Variants in PKHD1L1 observed in about 807,000 individuals in gnomAD.
PKHD1L1 encodes PKHD1 like 1.
In PKHD1L1, 434 loss-of-function variants were observed where a neutral mutation model predicts 462.9. The ratio of observed to expected loss-of-function variants is 0.94; its 90% CI spans 0.87 to 1.02. The LOEUF is 1.02. Ranked by LOEUF, PKHD1L1 falls within the 50% of genes least tolerant of loss-of-function variation. The pLI, the probability that PKHD1L1 is intolerant of heterozygous loss-of-function variation, is 0.00. For missense variants in PKHD1L1, 5,202 were observed against 5,096.1 expected (o/e 1.02, Z -0.63); for synonymous variants, 1,781 against 1,750.0 (o/e 1.02, Z -0.44).
At chr8:109,487,442 CCCTCCCTCCCTT>C (rs1240766101) in intron 59 of PKHD1L1, among the ~76,000 whole-genome samples, 10 of 142,044 alleles carry the variant, frequency 7.0e-5, no homozygotes, top group Non-Finnish European at 1.2e-4. Context: ...CTCCCTCCCT[CCCTCCCTCCCTT>C]CCTCCCTCCC....
In PKHD1L1 at chr8:109,406,434, A is replaced by C. The variant is rs1430277848; in HGVS notation, c.1769A>C (p.Asn590Thr). The C allele has an allele frequency of 1.2e-6, 2 of 1,600,698 alleles. No individual in the cohort carries two copies. Among genetic ancestry groups the C allele is most frequent in the Admixed American group, 1.7e-5 (1 of 58,254 alleles). ...PDTVQVIRTQNPQSYVYMVTF... is the reference protein window; with the variant it reads ...PDTVQVIRTQTPQSYVYMVTF... ...ACAGTTCAAGTAATAAGAACACAAA[A>C]TCCCCAGAGCTATGTCTACATGGTA... Residue 590 changes from asparagine (N) to threonine (T), a missense_variant, in exon 17 of 78, where the codon AAT becomes ACT. Asn to Thr is a moderately conservative substitution (Grantham distance 65). This residue lies in a region of PKHD1L1 where 4,497 missense variants were observed against 4,336.8 expected (regional missense o/e 1.04). Transcript: ENST00000378402.
chr8:109,407,330 A>G (rs547194494), intron 17 of PKHD1L1, among the ~76,000 whole-genome samples: 68 of 152,340 alleles, frequency 4.5e-4, no homozygotes, highest in African/African-American at 1.5e-3. Context: ...CAAAATACTT[A>G]TGAATAAACA....
intron 58 of PKHD1L1, 114 bp from the exon 59 acceptor site, chr8:109,486,533 AT>A: frequency 1.2e-6 from 1 of 833,090 alleles, no homozygotes; most frequent in Admixed American, 2.8e-5. Context: ...GTAATCATGC[AT>A]TCATGTTCAT....
chr8:109,370,263 G>A (rs1811431569), intron 2 of PKHD1L1, among the ~76,000 whole-genome samples: 2 of 151,974 alleles, frequency 1.3e-5, no homozygotes, highest in South Asian at 2.1e-4. Context: ...GAATTACAGG[G>A]CACCACTGCA....
intron 6 of PKHD1L1, among the ~76,000 whole-genome samples, chr8:109,387,767 C>G (rs1307900262): frequency 6.6e-6 from 1 of 152,050 alleles, no homozygotes; most frequent in Non-Finnish European, 1.5e-5. Flanking sequence ...AAACAAAAGT[C>G]CTTATTTTTT....
At chr8:109,370,494 AT>A (rs1811446860) in intron 2 of PKHD1L1, among the ~76,000 whole-genome samples, 1 of 150,740 alleles carries the variant, frequency 6.6e-6, no homozygotes. Flanking sequence ...TATTTATTTT[AT>A]TTTTTATTTT....
chr8:109,506,320 G>T (rs1414747183), intron 68 of PKHD1L1, among the ~76,000 whole-genome samples: 1 of 152,064 alleles, frequency 6.6e-6, no homozygotes, highest in Admixed American at 6.6e-5. Context: ...AGTCCAAAGT[G>T]CTCCCTCCCA....
rs947135580 is a variant in PKHD1L1, at chr8:109,413,506, C to T, written c.2321C>T (p.Thr774Ile). 4 of 1,570,248 alleles carry T rather than the reference C, an allele frequency of 2.5e-6. No homozygotes were observed. Among genetic ancestry groups the T allele is most frequent in the African/African-American group, 2.7e-5 (2 of 74,270 alleles). Residue 774 changes from threonine (T) to isoleucine (I), a missense_variant, in exon 21 of 78, where the codon ACT becomes ATT. Around this residue, in one of 3 missense-constraint regions of PKHD1L1, gnomAD observed 4,497 missense variants for 4,336.8 expected, o/e 1.04. Transcript: ENST00000378402. The part of the protein sequence containing the change: ...YQDNSKITRS[T>I]DTQFTYNFAY... ...GACAATAGCAAGATTACTAGAAGCA[C>T]TGATACACAGTTTACATACAACTTT...
rs9774677 is a variant in PKHD1L1, at chr8:109,498,764, C to A, written c.10821C>A (p.Asp3607Glu). The stretch of plus-strand genomic sequence containing the variant: ...ACAATGCCATCAGTGGCCTTTTGGA[C>A]ATCTCAGGCAAGTACACAGTCTTTT... ...MSYNAISGLL[D>E]ISGSTFVGFK... The change falls in exon 67 of 78, where the codon GAC becomes GAA. Residue 3607 changes from aspartate (D) to glutamate (E), a missense_variant. This residue lies in a region of PKHD1L1 where 4,497 missense variants were observed against 4,336.8 expected (regional missense o/e 1.04). Transcript: ENST00000378402. 22,671 of 1,605,562 alleles carry A rather than the reference C, an allele frequency of 0.014. 835 individuals are homozygous for A. Among genetic ancestry groups the A allele is most frequent in the African/African-American group, 0.14 (10,527 of 74,818 alleles).
intron 6 of PKHD1L1, 27 bp from the exon 7 acceptor site, chr8:109,388,470 T>TA (rs1424235395): frequency 1.4e-6 from 2 of 1,389,076 alleles, no homozygotes; most frequent in African/African-American, 3.5e-5. Flanking sequence ...CATAACTTGA[T>TA]TTTTTCTAAT....
intron 30 of PKHD1L1, among the ~76,000 whole-genome samples, chr8:109,437,341 CAG>C (rs1188477076): frequency 2.6e-5 from 4 of 152,086 alleles, no homozygotes; most frequent in Non-Finnish European, 5.9e-5. Context: ...ATTTTTAAAA[CAG>C]AGTTTTTTTA....
intron 4 of PKHD1L1, among the ~76,000 whole-genome samples, chr8:109,383,208 T>C (rs1328133441): frequency 8.2e-5 from 7 of 85,598 alleles, no homozygotes; most frequent in Non-Finnish European, 1.4e-4. Flanking sequence ...TTATATATTA[T>C]ATAATATAAT....
At chr8:109,527,081 T>C in intron 77 of PKHD1L1, 61 bp downstream of exon 77, 1 of 1,384,964 alleles carries the variant, frequency 7.2e-7, no homozygotes. Flanking sequence ...GTTTACTGGA[T>C]AAAGGCTGTG....
rs978299914 is a variant in PKHD1L1 at position 109,383,491 on chromosome 8, TAA to T, written c.418-577_418-576del. ...AAATATATATAAAACTATTTTTATATAAATATTTATATATAAATAGTTTATAT... is the reference window on the plus strand; with the variant it reads ...AAATATATATAAAACTATTTTTATATATATTTATATATAAATAGTTTATAT... On this transcript the variant is annotated intron_variant, in intron 4 of 77. Coordinates refer to ENST00000378402, the MANE Select transcript of PKHD1L1 (RefSeq NM_177531.6). 8.0e-4 allele frequency among the ~76,000 whole-genome samples: 108 copies of T among 135,826 alleles called. 1 individual carries two copies. The highest frequency in any genetic ancestry group is 3.7e-3 in the Middle Eastern group (1 of 272). The allele number at this position is 135,826 out of a possible 152,430, so 89.1% of individuals were successfully genotyped here.
intron 2 of PKHD1L1, among the ~76,000 whole-genome samples, chr8:109,374,531 G>T (rs1192419822): frequency 6.6e-6 from 1 of 152,166 alleles, no homozygotes; most frequent in East Asian, 1.9e-4. Flanking sequence ...GTGTGAATTT[G>T]ATCCTGTCAT....
rs1417897534 is a variant in PKHD1L1, at chr8:109,496,967, G to T, written c.10376G>T (p.Gly3459Val). ...TGGTTTGACAATGAAGCCCATGGAG[G>T]TTTATATGGGATCTATATGAACCAA... ...EKWFDNEAHG[G>V]LYGIYMNQDG... The change falls in exon 64 of 78, where the codon GGT becomes GTT. Residue 3459 changes from glycine (G) to valine (V), a missense_variant. Coordinates refer to ENST00000378402, the MANE Select transcript of PKHD1L1 (RefSeq NM_177531.6). The T allele has an allele frequency of 5.6e-6, 9 of 1,613,322 alleles. No individual in the cohort carries two copies. Among genetic ancestry groups the T allele is most frequent in the South Asian group, 1.1e-5 (1 of 91,066 alleles).
In PKHD1L1 at chr8:109,510,770, G is replaced by A. The variant is rs760390908; in HGVS notation, c.11396-7G>A. The stretch of plus-strand genomic sequence containing the variant: ...GGAGTATGCACTTTCATTTTGCATG[G>A]ATTTAGGCCCACAGGATCATGGCTG... On this transcript the variant is annotated splice_polypyrimidine_tract_variant and splice_region_variant and intron_variant, in intron 70 of 77. Transcript: ENST00000378402. The A allele has an allele frequency of 6.2e-6, 10 of 1,611,184 alleles. No individual in the cohort carries two copies. In the South Asian group the frequency reaches 1.1e-4, roughly 18 times the overall value.
chr8:109,524,484 C>G (rs1820715836), intron 76 of PKHD1L1, among the ~76,000 whole-genome samples: 1 of 152,022 alleles, frequency 6.6e-6, no homozygotes, highest in African/African-American at 2.4e-5. Context: ...AGAATCCTAC[C>G]TGAAAAGAAG....
intron 9 of PKHD1L1, among the ~76,000 whole-genome samples, chr8:109,391,672 A>T (rs1048325186): frequency 2.6e-5 from 4 of 152,206 alleles, no homozygotes; most frequent in African/African-American, 9.7e-5. Flanking sequence ...AATAGGAAAG[A>T]TCCGGTAATT....
Sources: allele counts gnomAD v4.1 joint callset (sites outside exome capture counted in the v4.1 genomes callset), GRCh38; gene constraint gnomAD v4.1.1; regional missense constraint gnomAD v4.1.1; transcripts MANE v1.5; gene names NCBI Gene and HGNC (gene_info 2026-07-23, HGNC 2026-07-21).